MMS19: variants seen among roughly 807,000 people sequenced by gnomAD.
The protein encoded by MMS19 is MMS19 nucleotide excision repair protein homolog.
A neutral mutation model predicts 129.8 loss-of-function variants in MMS19; 77 were observed. That is an observed-to-expected ratio of 0.59 (90% confidence interval 0.49 to 0.72). The LOEUF (loss-of-function observed/expected upper bound fraction) is 0.72. MMS19 is among the 30% of genes least tolerant of loss of function. The probability of loss-of-function intolerance (pLI) is 0.00; values close to 1 mark genes in which losing one functional copy is unlikely to be tolerated. For synonymous variants in MMS19, 491 were observed against 502.8 expected, an observed-to-expected ratio of 0.98 and a Z score of 0.31; for missense variants, 1,168 against 1,266.3, an observed-to-expected ratio of 0.92 and a Z score of 1.18.
At chr10:97,472,919 G>A (rs898144374) in intron 8 of MMS19, among the ~76,000 whole-genome samples, 1 of 151,914 alleles carries the variant, frequency 6.6e-6, no homozygotes, top group Non-Finnish European at 1.5e-5. Context: ...TTTCTCAGGT[G>A]CAATCATAGT....
At chr10:97,484,723 C>A (rs2037505976) in intron 1 of MMS19, among the ~76,000 whole-genome samples, 1 of 152,152 alleles carries the variant, frequency 6.6e-6, no homozygotes, top group South Asian at 2.1e-4. Context: ...CGAGACCATC[C>A]TGGCTAACAC....
chr10:97,492,237 G>A (rs1192158411), intron 1 of MMS19, among the ~76,000 whole-genome samples: 2 of 151,462 alleles, frequency 1.3e-5, no homozygotes, highest in Non-Finnish European at 2.9e-5. Context: ...TTGGGAGGCC[G>A]AGGCGGGCGG....
intron 1 of MMS19, among the ~76,000 whole-genome samples, chr10:97,485,558 G>A (rs1219187237): frequency 1.3e-5 from 2 of 151,962 alleles, no homozygotes; most frequent in African/African-American, 4.8e-5. Context: ...TGATCCGCCC[G>A]CCTTGGCCTC....
chr10:97,493,871 C>T (rs895076913), intron 1 of MMS19, among the ~76,000 whole-genome samples: 4 of 152,098 alleles, frequency 2.6e-5, no homozygotes, highest in Non-Finnish European at 2.9e-5. Flanking sequence ...CAAAATTAGC[C>T]GTGTGTGGTG....
chr10:97,469,773 G>A, intron 10 of MMS19, 50 bp from the exon 11 acceptor site: 2 of 1,521,052 alleles, frequency 1.3e-6, no homozygotes, highest in Non-Finnish European at 1.8e-6. Flanking sequence ...AGACACCCTA[G>A]GATGTGCAGG....
intron 9 of MMS19, 84 bp from the exon 10 acceptor site, chr10:97,470,287 C>G: frequency 1.1e-6 from 1 of 937,550 alleles, no homozygotes; most frequent in Middle Eastern, 2.1e-4. Flanking sequence ...GCCATCAGTC[C>G]CTAAAAGCAG....
chr10:97,469,167 C>T, intron 11 of MMS19, 63 bp from the exon 12 acceptor site: 1 of 1,519,932 alleles, frequency 6.6e-7, no homozygotes, highest in Non-Finnish European at 8.8e-7. Flanking sequence ...CCCACCAATC[C>T]ACTGCCTATT....
chr10:97,460,789 A>G (rs1326648871), intron 24 of MMS19, 38 bp from the exon 25 acceptor site: 1 of 1,570,890 alleles, frequency 6.4e-7, no homozygotes, highest in Non-Finnish European at 8.7e-7. Context: ...GGGGAATGAC[A>G]CTCAAACCCG....
At chr10:97,460,789 A>C in intron 24 of MMS19, 38 bp from the exon 25 acceptor site, 1 of 1,570,890 alleles carries the variant, frequency 6.4e-7, no homozygotes, top group Non-Finnish European at 8.7e-7. Context: ...GGGGAATGAC[A>C]CTCAAACCCG....
At chr10:97,495,181 C>T (rs2039566376) in intron 1 of MMS19, among the ~76,000 whole-genome samples, 1 of 152,156 alleles carries the variant, frequency 6.6e-6, no homozygotes, top group African/African-American at 2.4e-5. Flanking sequence ...ACTCAGGGAA[C>T]TACGAATAAA....
intron 12 of MMS19, among the ~76,000 whole-genome samples, chr10:97,468,756 C>T (rs555407958): frequency 2.0e-5 from 3 of 152,134 alleles, no homozygotes; most frequent in East Asian, 1.9e-4. Context: ...TTACAGGCGT[C>T]CACCACCACG....
At chr10:97,468,797 C>A (rs1277400236) in intron 12 of MMS19, among the ~76,000 whole-genome samples, 169 bp downstream of exon 12, 1 of 152,024 alleles carries the variant, frequency 6.6e-6, no homozygotes, top group African/African-American at 2.4e-5. Flanking sequence ...TTAGTAGAGA[C>A]GAGGTTTCAC....
At chr10:97,474,368 C>A (rs996493547) in intron 8 of MMS19, among the ~76,000 whole-genome samples, 2 of 151,872 alleles carry the variant, frequency 1.3e-5, no homozygotes, top group African/African-American at 2.4e-5. Context: ...CATGGCAAAA[C>A]CCCATCTCTA....
chr10:97,471,316 T>C (rs2034641976), intron 8 of MMS19, among the ~76,000 whole-genome samples: 1 of 152,152 alleles, frequency 6.6e-6, no homozygotes, highest in African/African-American at 2.4e-5. Context: ...TTTGTGGTTG[T>C]ACCAGTTTAT....
At chr10:97,497,522 GT>G (rs35797725) in intron 1 of MMS19, among the ~76,000 whole-genome samples, 24 of 147,590 alleles carry the variant, frequency 1.6e-4, no homozygotes, top group East Asian at 3.9e-4. Context: ...CTTTTTAGTA[GT>G]TTTTTTTTTT....
intron 1 of MMS19, among the ~76,000 whole-genome samples, chr10:97,486,565 A>G (rs1397143947): frequency 6.6e-6 from 1 of 152,202 alleles, no homozygotes; most frequent in East Asian, 1.9e-4. Flanking sequence ...AGACAAATAC[A>G]GTATCCTATG....
intron 6 of MMS19, 120 bp from the exon 7 acceptor site, chr10:97,477,083 T>G: frequency 6.5e-7 from 1 of 1,535,720 alleles, no homozygotes; most frequent in Non-Finnish European, 8.7e-7. Context: ...GGCTGACCCT[T>G]TTTCCATTCC....
intron 29 of MMS19, 113 bp from the exon 30 acceptor site, chr10:97,459,013 C>G: frequency 8.8e-7 from 1 of 1,130,270 alleles, no homozygotes; most frequent in Non-Finnish European, 1.3e-6. Flanking sequence ...TTTAGTGATT[C>G]CAAGGGATGT....
chr10:97,485,388 C>T (rs992790221), intron 1 of MMS19, among the ~76,000 whole-genome samples: 4 of 152,170 alleles, frequency 2.6e-5, no homozygotes, highest in African/African-American at 9.7e-5. Context: ...TCTTGGCTCA[C>T]TGCAACCTCC....
Sources: allele counts gnomAD v4.1 joint callset (sites outside exome capture counted in the v4.1 genomes callset), GRCh38; gene constraint gnomAD v4.1.1; transcripts MANE v1.5; gene names NCBI Gene and HGNC (gene_info 2026-07-23, HGNC 2026-07-21).